Variants in CDC42EP4 observed in about 807,000 individuals in gnomAD.
The protein encoded by CDC42EP4 is CDC42 effector protein 4, also known as CDC42 effector protein (Rho GTPase binding) 4.
In CDC42EP4, 6 loss-of-function variants were observed where a neutral mutation model predicts 5.6. The observed-to-expected ratio is 1.07, with a 90% CI of 0.59 to 2.12. The LOEUF is 2.12. Ranked by LOEUF, CDC42EP4 falls within the 30% of genes most tolerant of loss-of-function variation. CDC42EP4 has a pLI of 0.00. For missense variants in CDC42EP4, 490 were observed against 508.6 expected, an observed-to-expected ratio of 0.96 and a Z score of 0.35; for synonymous variants, 230 against 224.2, an observed-to-expected ratio of 1.03 and a Z score of -0.23.
chr17:73,289,893 AAG>A (rs1283914814), intron 1 of CDC42EP4, among the ~76,000 whole-genome samples: 1 of 152,084 alleles, frequency 6.6e-6, no homozygotes, highest in Middle Eastern at 3.2e-3. Context: ...GAAGGAAAGA[AAG>A]AGAAAAAGAA....
chr17:73,303,467 G>T (rs1361829910), intron 1 of CDC42EP4, among the ~76,000 whole-genome samples: 1 of 152,178 alleles, frequency 6.6e-6, no homozygotes, highest in African/African-American at 2.4e-5. Context: ...TTCAACCCCA[G>T]CCTGGCCAAC....
At chr17:73,297,698 G>A (rs777509111) in intron 1 of CDC42EP4, among the ~76,000 whole-genome samples, 5 of 151,404 alleles carry the variant, frequency 3.3e-5, no homozygotes, top group Non-Finnish European at 4.4e-5. Context: ...TTGCTCTATC[G>A]CCCAGGCTGG....
At chr17:73,296,926 A>G (rs1450699126) in intron 1 of CDC42EP4, among the ~76,000 whole-genome samples, 9 of 134,900 alleles carry the variant, frequency 6.7e-5, no homozygotes, top group African/African-American at 2.5e-4. Flanking sequence ...GCTTGCAGTG[A>G]GCCGAGATAG....
At chr17:73,306,853 G>A (rs1004791030) in intron 1 of CDC42EP4, 1 of 152,272 alleles carries the variant, frequency 6.6e-6, no homozygotes, top group African/African-American at 2.4e-5. Context: ...CACTTGGAGA[G>A]ATTCAAAGCT....
In CDC42EP4 at chr17:73,286,549, CTG is replaced by C. The variant is rs2062136017; in HGVS notation, c.-51_-50del. On this transcript the variant is annotated 5_prime_UTR_variant, in exon 2 of 2. Coordinates refer to ENST00000335793, the MANE Select transcript of CDC42EP4 (RefSeq NM_012121.5). The surrounding 1 kb of genome is among the most constrained non-coding windows in gnomAD (Gnocchi z 7.7). ...GGCCCTCCCGAGGTAGCCGGCAGGTCTGGGGTCAGATCTGAAGTCCAAGTCCA... is the reference window on the plus strand; with the variant it reads ...GGCCCTCCCGAGGTAGCCGGCAGGTCGGGTCAGATCTGAAGTCCAAGTCCA... 2 of 1,448,412 alleles carry C rather than the reference CTG, an allele frequency of 1.4e-6. No homozygotes were observed. Among genetic ancestry groups the C allele is most frequent in the African/African-American group, 2.8e-5 (2 of 71,272 alleles). The allele number at this position is 1,448,412 out of a possible 1,614,324, so 89.7% of individuals were successfully genotyped here. A position where few individuals can be genotyped will look rare whatever the true frequency, so the allele number is the denominator to read the frequency against.
At chr17:73,302,075 C>A (rs2062222012) in intron 1 of CDC42EP4, among the ~76,000 whole-genome samples, 1 of 152,186 alleles carries the variant, frequency 6.6e-6, no homozygotes. Flanking sequence ...CTCAGGTGAT[C>A]CACCAGCCTT....
intron 1 of CDC42EP4, among the ~76,000 whole-genome samples, chr17:73,292,566 C>A (rs928317282): frequency 1.3e-5 from 2 of 152,020 alleles, no homozygotes; most frequent in African/African-American, 4.8e-5. Flanking sequence ...TCATATTCCT[C>A]AGTATAAGGA....
chr17:73,289,749 G>T (rs529777309), intron 1 of CDC42EP4, among the ~76,000 whole-genome samples: 20 of 141,526 alleles, frequency 1.4e-4, no homozygotes, highest in Non-Finnish European at 1.9e-4. Context: ...GAGGAAGGGA[G>T]GGAGGAAGGG....
intron 1 of CDC42EP4, among the ~76,000 whole-genome samples, chr17:73,289,612 C>T (rs1298345131): frequency 1.3e-5 from 2 of 151,490 alleles, no homozygotes; most frequent in Non-Finnish European, 2.9e-5. Flanking sequence ...CAAAAGCAAA[C>T]GCAGGCTGGG....
intron 1 of CDC42EP4, among the ~76,000 whole-genome samples, chr17:73,296,873 C>G (rs1439555884): frequency 7.1e-6 from 1 of 139,950 alleles, no homozygotes; most frequent in African/African-American, 2.6e-5. Flanking sequence ...CCCAGCTACT[C>G]GGGAGGCTGA....
intron 1 of CDC42EP4, among the ~76,000 whole-genome samples, chr17:73,293,788 A>G (rs1599433133): frequency 6.6e-6 from 1 of 152,180 alleles, no homozygotes; most frequent in South Asian, 2.1e-4. Context: ...AAGGCGGAAG[A>G]CTGTGTTTCA....
At chr17:73,291,103 C>T (rs2047469) in intron 1 of CDC42EP4, among the ~76,000 whole-genome samples, 28,750 of 152,088 alleles carry the variant, frequency 0.19, 3,031 homozygotes, top group Admixed American at 0.28. Context: ...GCCCTGGGGT[C>T]CCCAGGATCT....
intron 1 of CDC42EP4, chr17:73,310,236 T>G (rs958029324): frequency 3.3e-5 from 5 of 152,098 alleles, no homozygotes; most frequent in Non-Finnish European, 7.4e-5. Context: ...CTGCTGGTGG[T>G]CCCTCCTCCA....
chr17:73,303,908 TGA>T (rs2062232074), intron 1 of CDC42EP4, among the ~76,000 whole-genome samples: 1 of 152,232 alleles, frequency 6.6e-6, no homozygotes, highest in African/African-American at 2.4e-5. Flanking sequence ...TCAGCCAGGC[TGA>T]GTTATGGGAA....
In CDC42EP4 at chr17:73,286,207, C is replaced by A. The variant is rs1286896337; in HGVS notation, c.294G>T (p.Glu98Asp). Residue 98 changes from glutamate (E) to aspartate (D), a missense_variant, in exon 2 of 2, where the codon GAG becomes GAT. By Grantham distance (45) the Glu-to-Asp change is conservative (BLOSUM62 2). Coordinates refer to ENST00000335793, the MANE Select transcript of CDC42EP4 (RefSeq NM_012121.5). The surrounding 1 kb of genome is among the most constrained non-coding windows in gnomAD (Gnocchi z 7.7). ...RSQSVTRGEREQRDMLGSLRD... is the reference protein window; with the variant it reads ...RSQSVTRGERDQRDMLGSLRD... ...GCAGGGAGCCCAGCATGTCACGCTG[C>A]TCCCGCTCCCCCCTGGTCACCGACT... 2 of 1,614,062 alleles carry A rather than the reference C, an allele frequency of 1.2e-6. No homozygotes were observed. The highest frequency in any genetic ancestry group is 3.3e-5 in the Admixed American group (2 of 60,012).
At chr17:73,308,430 C>T (rs995120180) in intron 1 of CDC42EP4, among the ~76,000 whole-genome samples, 7 of 152,166 alleles carry the variant, frequency 4.6e-5, no homozygotes, top group East Asian at 1.9e-4. Flanking sequence ...CGGACTCCTC[C>T]CTCCCCCCAC....
At chr17:73,293,452 A>G (rs1408486388) in intron 1 of CDC42EP4, among the ~76,000 whole-genome samples, 1 of 151,044 alleles carries the variant, frequency 6.6e-6, no homozygotes, top group Admixed American at 6.6e-5. Context: ...ACAGGATCAA[A>G]TGGGACTCCA....
intron 1 of CDC42EP4, chr17:73,309,972 C>G (rs1032243655): frequency 3.3e-5 from 5 of 152,516 alleles, no homozygotes; most frequent in African/African-American, 9.6e-5. Context: ...TCACACAGGG[C>G]AGTTGATGAG....
At chr17:73,305,313 G>C (rs56144519) in intron 1 of CDC42EP4, among the ~76,000 whole-genome samples, 55,480 of 152,178 alleles carry the variant, frequency 0.36, 10,428 homozygotes, top group African/African-American at 0.45. Flanking sequence ...CCCCCATACA[G>C]GCTGGGCCCT....
Sources: gnomAD v4.1 joint callset for allele counts (sites outside exome capture counted in the v4.1 genomes callset) on GRCh38, gnomAD v4.1.1 for gene constraint, Gnocchi (gnomAD v3.1) non-coding constraint, MANE v1.5 for transcripts, NCBI Gene and HGNC (gene_info 2026-07-23, HGNC 2026-07-21) for gene names.